Variants in DNHD1 observed in about 807,000 individuals in gnomAD.
DNHD1 encodes the protein dynein heavy chain domain 1.
In DNHD1, 383 loss-of-function variants were observed where a neutral mutation model predicts 458.1. The observed-to-expected ratio is 0.84, with a 90% CI of 0.77 to 0.91. The LOEUF (loss-of-function observed/expected upper bound fraction) is 0.91, where lower values mean the gene tolerates loss of function less well. Among genes scored for constraint, DNHD1 ranks in the 40% least tolerant of loss-of-function variants. DNHD1 has a pLI of 0.00. For synonymous variants in DNHD1, 2,203 were observed against 2,376.9 expected, an observed-to-expected ratio of 0.93 and a Z score of 2.13; for missense variants, 5,336 against 5,866.1, an observed-to-expected ratio of 0.91 and a Z score of 2.95.
intron 12 of DNHD1, among the ~76,000 whole-genome samples, chr11:6,530,749 G>A (rs775652678): frequency 2.6e-5 from 4 of 152,160 alleles, no homozygotes; most frequent in Admixed American, 6.5e-5. Flanking sequence ...TTGTACAGGG[G>A]GTTCAGGCGG....
chr11:6,524,695 G>A (rs1207842690), intron 10 of DNHD1, among the ~76,000 whole-genome samples: 7 of 152,176 alleles, frequency 4.6e-5, no homozygotes, highest in Non-Finnish European at 1.0e-4. Flanking sequence ...AGAAGGCTGT[G>A]TATGGTGGGG....
At position 6,509,143 on chromosome 11, in the gene DNHD1, A is replaced by G; in HGVS notation, c.1125-19A>G. 6.2e-7 allele frequency: 1 copy of G among 1,614,046 alleles called. No individual in the cohort carries two copies. The highest frequency in any genetic ancestry group is 8.5e-7 in the Non-Finnish European group (1 of 1,179,948). On this transcript the variant is annotated intron_variant, in intron 5 of 42. Transcript: ENST00000254579. Reference sequence around the variant, plus strand: ...TGGATGACAGCAACAGTATATTATCACTGACCTCTAATTTCTAGTTGGAAG... The same window carrying G: ...TGGATGACAGCAACAGTATATTATCGCTGACCTCTAATTTCTAGTTGGAAG...
intron 7 of DNHD1, among the ~76,000 whole-genome samples, chr11:6,519,092 A>G (rs753279287): frequency 7.9e-5 from 12 of 152,202 alleles, no homozygotes; most frequent in Non-Finnish European, 1.5e-4. Flanking sequence ...AAAGGCTCCC[A>G]GGCTTTTATT....
intron 28 of DNHD1, 91 bp downstream of exon 28, chr11:6,559,374 C>G (rs748430056): frequency 1.3e-5 from 14 of 1,086,340 alleles, no homozygotes; most frequent in Non-Finnish European, 1.9e-5. Flanking sequence ...AACCTTAATT[C>G]TTGTCCCCCT....
At position 6,547,338 on chromosome 11, in the gene DNHD1, C is replaced by T. The variant is rs529138924; in HGVS notation, c.6399C>T (p.Gly2133=). 75 of 1,551,814 alleles carry T rather than the reference C, an allele frequency of 4.8e-5. No individual in the cohort carries two copies. The East Asian group carries it at 1.8e-3, about 38-fold the overall frequency. Residue 2133 remains glycine (G), a synonymous_variant, in exon 21 of 43, where the codon GGC becomes GGT. Transcript: ENST00000254579. ...FLLMEVADTT[G]ISPTVVGCCA... is the part of the protein sequence containing the mutation. ...TGATGGAGGTGGCTGACACAACAGG[C>T]ATATCCCCCACAGTGGTAGGCTGTT... is the stretch of plus-strand genomic sequence containing the variant.
intron 7 of DNHD1, among the ~76,000 whole-genome samples, chr11:6,517,232 CCACAGTCAAATTAATTAA>C (rs1174884440): frequency 6.6e-6 from 1 of 152,118 alleles, no homozygotes; most frequent in Admixed American, 6.5e-5. Flanking sequence ...GTAATGATTA[CCACAGTCAAATTAATTAA>C]CACATCCATC....
At chr11:6,549,893 T>C (rs1853303085) in intron 24 of DNHD1, among the ~76,000 whole-genome samples, 1 of 152,186 alleles carries the variant, frequency 6.6e-6, no homozygotes, top group Admixed American at 6.5e-5. Context: ...AGTGTAAAGT[T>C]TCTAAAGTGG....
At chr11:6,552,449 G>A (rs963385102) in intron 24 of DNHD1, among the ~76,000 whole-genome samples, 3 of 152,054 alleles carry the variant, frequency 2.0e-5, no homozygotes, top group African/African-American at 7.2e-5. Context: ...GCTTGAACCT[G>A]GGAGGCAGAG....
chr11:6,528,426 TGTG>T (rs1852757760), intron 10 of DNHD1, 93 bp from the exon 11 acceptor site: 1 of 1,302,778 alleles, frequency 7.7e-7, no homozygotes, highest in Non-Finnish European at 1.0e-6. Context: ...TGTGTGTGTG[TGTG>T]TGTGTGTACA....
Position 6,566,371 on chromosome 11 carries a change from C to G in DNHD1, c.11184C>G (p.Leu3728=), listed in dbSNP as rs1345734776. Residue 3728 remains leucine, a synonymous_variant, in exon 34 of 43, where the codon CTC becomes CTG. Coordinates refer to ENST00000254579, the MANE Select transcript of DNHD1 (RefSeq NM_144666.3). Reference sequence around the variant, plus strand: ...TCTGTCTGTATCTCAGCACCACCCTCTCCCTCTGTGCCATGGAAAAAGGTG... The same window carrying G: ...TCTGTCTGTATCTCAGCACCACCCTGTCCCTCTGTGCCATGGAAAAAGGTG... ...PGFCLYLSTT[L]SLCAMEKVLG... is the part of the protein sequence containing the mutation. The G allele has an allele frequency of 1.1e-5, 17 of 1,558,236 alleles. No individual in the cohort carries two copies. Among genetic ancestry groups the G allele is most frequent in the African/African-American group, 2.7e-5 (2 of 73,246 alleles).
Position 6,565,718 on chromosome 11 carries a change from A to G in DNHD1, c.10780A>G (p.Lys3594Glu), listed in dbSNP as rs1288054616. ...GRGKGLMRNQ[K>E]RESKTDMKEE... ...AGGGAAAGGCCTCATGAGAAATCAA[A>G]AGAGAGAGAGTAAAACGGACATGAA... Residue 3594 changes from lysine to glutamate, a missense_variant, in exon 33 of 43, where the codon AAG (lysine) becomes GAG (glutamate). Lys to Glu is a moderately conservative substitution (Grantham distance 56). Transcript: ENST00000254579. The G allele has an allele frequency of 5.2e-6, 8 of 1,548,874 alleles. No homozygotes were observed. The highest frequency in any genetic ancestry group is 6.1e-6 in the Non-Finnish European group (7 of 1,146,304).
Position 6,545,912 on chromosome 11 carries a change from TA to T in DNHD1, c.4974del (p.Pro1660LeufsTer18). On this transcript the variant is annotated frameshift_variant, in exon 21 of 43. Transcript: ENST00000254579. This position sits in a 1 kb window ranked among gnomAD's most constrained non-coding sequence, Gnocchi z 4.9. ...LYNYEYLGPR[L>X]GPLPSLLPER... ...AATTACGAGTATCTGGGACCTAGACTAGGGCCTCTACCCAGCCTACTGCCTG... is the reference window on the plus strand; with the variant it reads ...AATTACGAGTATCTGGGACCTAGACTGGGCCTCTACCCAGCCTACTGCCTG... The T allele has an allele frequency of 6.4e-7, 1 of 1,551,806 alleles. No individual in the cohort carries two copies. Among genetic ancestry groups the T allele is most frequent in the Non-Finnish European group, 8.7e-7 (1 of 1,147,020 alleles).
chr11:6,538,635 G>C lies in DNHD1; in HGVS notation c.3150G>C (p.Glu1050Asp). The C allele has an allele frequency of 6.5e-6, 10 of 1,545,690 alleles. No homozygotes were observed. Among genetic ancestry groups the C allele is most frequent in the Non-Finnish European group, 8.8e-6 (10 of 1,142,842 alleles). Reference protein sequence around the residue: ...FAKFSPAMAQEKTEGWLTEAA... With the variant: ...FAKFSPAMAQDKTEGWLTEAA... The stretch of plus-strand genomic sequence containing the variant: ...AGTTCAGCCCAGCTATGGCCCAGGA[G>C]AAGACAGAGGGCTGGCTGACAGAGG... The change falls in exon 16 of 43, where the codon GAG (glutamate) becomes GAC (aspartate). Residue 1050 changes from glutamate (E) to aspartate (D), a missense_variant. Coordinates refer to ENST00000254579, the MANE Select transcript of DNHD1 (RefSeq NM_144666.3).
At chr11:6,507,680 T>C (rs764760021) in intron 4 of DNHD1, among the ~76,000 whole-genome samples, 6 of 151,900 alleles carry the variant, frequency 3.9e-5, no homozygotes, top group Non-Finnish European at 8.8e-5. Context: ...TCAGTTAACA[T>C]AGGCAGCTAC....
At chr11:6,524,244 A>G (rs1157082677) in intron 10 of DNHD1, among the ~76,000 whole-genome samples, 1 of 152,232 alleles carries the variant, frequency 6.6e-6, no homozygotes, top group African/African-American at 2.4e-5. Context: ...CACAAAACAG[A>G]CAATTACTAA....
chr11:6,512,264 A>T (rs1400149369), intron 7 of DNHD1, among the ~76,000 whole-genome samples: 2 of 117,772 alleles, frequency 1.7e-5, no homozygotes, highest in African/African-American at 3.5e-5. Context: ...TCTGTCACCC[A>T]GGCTGGAGTG....
At chr11:6,526,306 T>A (rs1301135821) in intron 10 of DNHD1, among the ~76,000 whole-genome samples, 2 of 152,150 alleles carry the variant, frequency 1.3e-5, no homozygotes, top group African/African-American at 2.4e-5. Flanking sequence ...ATTTCTGAGT[T>A]TTTCTAATTC....
Position 6,567,569 on chromosome 11 carries a change from A to G in DNHD1, c.12060A>G (p.Ser4020=), listed in dbSNP as rs780642622. ...SSAWQAYLSL[S]STVLGPAPGP... ...CTTGGCAGGCTTACCTGTCACTGTCATCCACAGTGCTGGGTCCTGCACCTG... is the reference window on the plus strand; with the variant it reads ...CTTGGCAGGCTTACCTGTCACTGTCGTCCACAGTGCTGGGTCCTGCACCTG... Residue 4020 remains serine (S), a synonymous_variant, in exon 36 of 43, where the codon TCA becomes TCG. Transcript: ENST00000254579. 6.2e-7 allele frequency: 1 copy of G among 1,613,090 alleles called. No individual in the cohort carries two copies. Among genetic ancestry groups the G allele is most frequent in the Non-Finnish European group, 8.5e-7 (1 of 1,179,532 alleles).
rs74799560 is a variant in DNHD1, at chr11:6,526,075, T to C, written c.1838-2447T>C. 7.2e-5 allele frequency among the ~76,000 whole-genome samples: 11 copies of C among 152,254 alleles called. No individual in the cohort carries two copies. In the East Asian group the frequency reaches 1.7e-3, roughly 24 times the overall value. On this transcript the variant is annotated intron_variant, in intron 10 of 42. Transcript: ENST00000254579. The stretch of plus-strand genomic sequence containing the variant: ...TGGGGGAATCTTGTTACTGATACAT[T>C]AGATCCTTATCACCCATCCCCAATA...
Sources: gnomAD v4.1 joint callset for allele counts (sites outside exome capture counted in the v4.1 genomes callset) on GRCh38, gnomAD v4.1.1 for gene constraint, Gnocchi (gnomAD v3.1) non-coding constraint, MANE v1.5 for transcripts, NCBI Gene and HGNC (gene_info 2026-07-23, HGNC 2026-07-21) for gene names.